PDZD2: variants seen among roughly 807,000 people sequenced by gnomAD.
PDZD2 encodes PDZ domain containing 2.
Under a neutral mutation model 220.7 loss-of-function variants are expected in PDZD2, and 90 were observed. The observed-to-expected ratio is 0.41, with a 90% CI of 0.34 to 0.49. PDZD2 has a LOEUF of 0.49. Ranked by LOEUF, PDZD2 falls within the 20% of genes least tolerant of loss-of-function variation. PDZD2 has a pLI of 0.28. For synonymous variants in PDZD2, 1,375 were observed against 1,450.5 expected, an observed-to-expected ratio of 0.95 and a Z score of 1.18; for missense variants, 3,174 against 3,608.5, an observed-to-expected ratio of 0.88 and a Z score of 3.08.
chr5:31,668,007 G>A (rs1224806362), intron 1 of PDZD2, among the ~76,000 whole-genome samples: 8 of 151,848 alleles, frequency 5.3e-5, no homozygotes, highest in African/African-American at 7.2e-5. Flanking sequence ...GACTACAGGC[G>A]CCCACCACTA....
intron 3 of PDZD2, among the ~76,000 whole-genome samples, chr5:31,989,130 C>A (rs1750974124): frequency 1.3e-5 from 2 of 152,174 alleles, no homozygotes; most frequent in African/African-American, 4.8e-5. Context: ...GAAGTTCAGG[C>A]TTTAACGTGC....
At chr5:31,737,317 C>T (rs6870389) in intron 1 of PDZD2, among the ~76,000 whole-genome samples, 19,523 of 151,474 alleles carry the variant, frequency 0.13, 1,315 homozygotes, top group Middle Eastern at 0.19. Context: ...GGACTACAGG[C>T]GCCCACCACC....
chr5:31,941,774 G>A (rs1746234890), intron 2 of PDZD2, among the ~76,000 whole-genome samples: 1 of 152,200 alleles, frequency 6.6e-6, no homozygotes, highest in African/African-American at 2.4e-5. Flanking sequence ...TAACGAGTTT[G>A]TTAGGGTAAT....
chr5:31,694,932 T>G (rs901503104), intron 1 of PDZD2, among the ~76,000 whole-genome samples: 9 of 152,066 alleles, frequency 5.9e-5, no homozygotes, highest in African/African-American at 1.9e-4. Flanking sequence ...GAGACCAGCC[T>G]GACCAATATG....
Position 31,934,334 on chromosome 5 carries a change from T to A in PDZD2, c.477-48821T>A. ...TACCCACACGATCAACTTTCAGGCC[T>A]CTTGAATGCACACAAAAAATGTGGA... is the stretch of plus-strand genomic sequence containing the variant. On this transcript the variant is annotated intron_variant, in intron 2 of 24. Coordinates refer to ENST00000438447, the MANE Select transcript of PDZD2 (RefSeq NM_178140.4). Among the ~76,000 whole-genome samples, 2 of 152,176 alleles carry A rather than the reference T, an allele frequency of 1.3e-5. 1 individual carries two copies. Among genetic ancestry groups the A allele is most frequent in the Non-Finnish European group, 2.9e-5 (2 of 68,028 alleles).
intron 2 of PDZD2, among the ~76,000 whole-genome samples, chr5:31,932,886 T>C (rs1745415865): frequency 6.8e-6 from 1 of 147,056 alleles, no homozygotes; most frequent in Non-Finnish European, 1.5e-5. Context: ...AACTGGCTTA[T>C]TTCACTTAGC....
chr5:32,102,754 A>C (rs1025865863), intron 24 of PDZD2, among the ~76,000 whole-genome samples: 1 of 152,116 alleles, frequency 6.6e-6, no homozygotes, highest in Admixed American at 6.5e-5. Flanking sequence ...ACAGGACCGA[A>C]GAGGGTATTC....
chr5:31,798,056 G>T (rs55871110), intron 1 of PDZD2, among the ~76,000 whole-genome samples: 1,931 of 152,204 alleles, frequency 0.013, 22 homozygotes, highest in Non-Finnish European at 0.019. Flanking sequence ...TATGTACCAG[G>T]CACCGTGCAG....
At chr5:31,683,923 C>G (rs1461521129) in intron 1 of PDZD2, among the ~76,000 whole-genome samples, 1 of 152,152 alleles carries the variant, frequency 6.6e-6, no homozygotes, top group Non-Finnish European at 1.5e-5. Context: ...CAAATTTACA[C>G]TCCCACCAAG....
rs542381817 is a variant in PDZD2, at chr5:31,786,825, G to T, written c.-360-12064G>T. ...GTATTACTGGCTCTTATAAATATTT[G>T]AATCATTGTTAATTAATGATGAGGT... On this transcript the variant is annotated intron_variant, in intron 1 of 24. Coordinates refer to ENST00000438447, the MANE Select transcript of PDZD2 (RefSeq NM_178140.4). 2.9e-3 allele frequency among the ~76,000 whole-genome samples: 437 copies of T among 152,262 alleles called. 2 individuals carry two copies. Among genetic ancestry groups the T allele is most frequent in the Middle Eastern group, 6.8e-3 (2 of 294 alleles).
At chr5:32,061,729 A>G (rs575882095) in intron 14 of PDZD2, among the ~76,000 whole-genome samples, 49 of 152,362 alleles carry the variant, frequency 3.2e-4, no homozygotes, top group African/African-American at 1.2e-3. Flanking sequence ...CCTGGGCAAC[A>G]TAGTGAGACT....
At position 31,732,764 on chromosome 5, in the gene PDZD2, T is replaced by C. The variant is rs139264742; in HGVS notation, c.-360-66125T>C. Among the ~76,000 whole-genome samples, 40 of 152,338 alleles carry C rather than the reference T, an allele frequency of 2.6e-4. 1 individual carries two copies. The East Asian group carries it at 7.3e-3, about 28-fold the overall frequency. On this transcript the variant is annotated intron_variant, in intron 1 of 24. Transcript: ENST00000438447. ...TACTTTTTGAGACAGAGCCTCACTC[T>C]GTCACCCAGACTGGAGTGGAGTGGT...
rs564769668 is a variant in PDZD2 at position 32,090,963 on chromosome 5, G to A, written c.7515G>A (p.Pro2505=). 2.0e-5 allele frequency: 32 copies of A among 1,613,726 alleles called. No homozygotes were observed. Among genetic ancestry groups the A allele is most frequent in the Admixed American group, 3.3e-5 (2 of 59,990 alleles). The change falls in exon 20 of 25, where the codon CCG becomes CCA. Residue 2505 remains proline, a synonymous_variant. Transcript: ENST00000438447. The surrounding 1 kb of genome is among the most constrained non-coding windows in gnomAD (Gnocchi z 4.3). ...KLCSEDYSAG[P]SAVLFKTELE... Reference sequence around the variant, plus strand: ...GCAGCGAGGATTACTCAGCAGGGCCGAGCGCCGTGCTCTTCAAAACTGAGC... The same window carrying A: ...GCAGCGAGGATTACTCAGCAGGGCCAAGCGCCGTGCTCTTCAAAACTGAGC...
intron 24 of PDZD2, chr5:32,106,244 C>G (rs1189208673): frequency 6.5e-6 from 1 of 152,936 alleles, no homozygotes; most frequent in Non-Finnish European, 1.5e-5. Flanking sequence ...AACATGCAAC[C>G]TAGATCCCTC....
At chr5:31,693,748 T>C (rs2150129778) in intron 1 of PDZD2, among the ~76,000 whole-genome samples, 2 of 152,274 alleles carry the variant, frequency 1.3e-5, no homozygotes, top group Non-Finnish European at 1.5e-5. Flanking sequence ...CGCTGGCATA[T>C]TCCCCATATG....
intron 24 of PDZD2, among the ~76,000 whole-genome samples, chr5:32,102,719 C>A (rs577537002): frequency 6.6e-6 from 1 of 152,186 alleles, no homozygotes; most frequent in African/African-American, 2.4e-5. Flanking sequence ...CCATTCATGA[C>A]AGAGGCAGGA....
intron 1 of PDZD2, among the ~76,000 whole-genome samples, chr5:31,665,970 T>C (rs1745973054): frequency 1.3e-5 from 2 of 152,160 alleles, no homozygotes; most frequent in Non-Finnish European, 1.5e-5. Flanking sequence ...CACGTTCAAT[T>C]TTCCAATAGC....
Position 32,000,305 on chromosome 5 carries a change from G to T in PDZD2, c.1254+34G>T. The T allele has an allele frequency of 6.2e-7, 1 of 1,611,764 alleles. No homozygotes were observed. On this transcript the variant is annotated intron_variant, in intron 5 of 24. Coordinates refer to ENST00000438447, the MANE Select transcript of PDZD2 (RefSeq NM_178140.4). This position sits in a 1 kb window ranked among gnomAD's most constrained non-coding sequence, Gnocchi z 4.5. Reference sequence around the variant, plus strand: ...TGTTTGTTTTTTGGTACTCGTAATGGTGGCAGTGGTGAGTTGGGGTTGAGC... The same window carrying T: ...TGTTTGTTTTTTGGTACTCGTAATGTTGGCAGTGGTGAGTTGGGGTTGAGC...
intron 1 of PDZD2, among the ~76,000 whole-genome samples, chr5:31,654,754 G>T (rs1745482373): frequency 6.6e-6 from 1 of 152,074 alleles, no homozygotes; most frequent in Non-Finnish European, 1.5e-5. Flanking sequence ...TCTCCCAGTT[G>T]CTGTTGTTCC....
Sources: allele counts gnomAD v4.1 joint callset (sites outside exome capture counted in the v4.1 genomes callset), GRCh38; gene constraint gnomAD v4.1.1; non-coding constraint Gnocchi (gnomAD v3.1); transcripts MANE v1.5; gene names NCBI Gene and HGNC (gene_info 2026-07-23, HGNC 2026-07-21).